Variants in SGCZ observed in about 807,000 individuals in gnomAD.
SGCZ encodes zeta-sarcoglycan.
In SGCZ, 40 loss-of-function variants were observed where a neutral mutation model predicts 41.3. The ratio of observed to expected loss-of-function variants is 0.97; its 90% confidence interval spans 0.75 to 1.26. SGCZ has a LOEUF of 1.26. Among genes scored for constraint, SGCZ ranks in the 50% most tolerant of loss-of-function variants. The pLI, the probability that SGCZ is intolerant of heterozygous loss-of-function variation, is 0.00. For synonymous variants in SGCZ, 206 were observed against 137.5 expected (o/e 1.50, Z -3.49); for missense variants, 552 against 369.8 (o/e 1.49, Z -4.04).
chr8:14,709,756 T>C (rs1809453780), intron 1 of SGCZ, among the ~76,000 whole-genome samples: 1 of 152,204 alleles, frequency 6.6e-6, no homozygotes, highest in African/African-American at 2.4e-5. Context: ...CCATCCATTC[T>C]GGTACATTGC....
intron 1 of SGCZ, among the ~76,000 whole-genome samples, chr8:14,687,247 C>G (rs543299437): frequency 0.038 from 5,739 of 149,824 alleles, 138 homozygotes; most frequent in South Asian, 0.09. Context: ...ACAATGTGCA[C>G]GTTAGTTACA....
intron 1 of SGCZ, among the ~76,000 whole-genome samples, chr8:15,084,931 T>G (rs1031738478): frequency 6.6e-6 from 1 of 152,184 alleles, no homozygotes; most frequent in African/African-American, 2.4e-5. Context: ...GCCTCCCCTC[T>G]TTCTCTTAGC....
intron 1 of SGCZ, among the ~76,000 whole-genome samples, chr8:14,811,834 A>T (rs1228263345): frequency 6.6e-6 from 1 of 152,046 alleles, no homozygotes; most frequent in African/African-American, 2.4e-5. Context: ...AGAATCTTGG[A>T]AACTGAATGT....
chr8:14,373,746 G>A (rs1803999482), intron 2 of SGCZ, among the ~76,000 whole-genome samples: 1 of 152,138 alleles, frequency 6.6e-6, no homozygotes, highest in Non-Finnish European at 1.5e-5. Context: ...AGATTGAGAT[G>A]AGAGGAATTG....
intron 2 of SGCZ, among the ~76,000 whole-genome samples, chr8:14,402,604 T>C (rs900192783): frequency 7.0e-6 from 1 of 142,898 alleles, no homozygotes; most frequent in Non-Finnish European, 1.5e-5. Flanking sequence ...GTTGTAGATA[T>C]GTGGCGTTAT....
At chr8:14,246,716 G>A (rs1799105873) in intron 3 of SGCZ, among the ~76,000 whole-genome samples, 1 of 151,596 alleles carries the variant, frequency 6.6e-6, no homozygotes, top group Non-Finnish European at 1.5e-5. Context: ...GACCATCCTG[G>A]CTGACATGGT....
chr8:14,680,964 GA>G (rs71209075), intron 1 of SGCZ, among the ~76,000 whole-genome samples: 19 of 117,938 alleles, frequency 1.6e-4, no homozygotes, highest in African/African-American at 6.1e-4. Flanking sequence ...AAAAGAGTGG[GA>G]AAAAAAAAAA....
At chr8:14,763,922 C>A (rs550079972) in intron 1 of SGCZ, among the ~76,000 whole-genome samples, 6 of 152,280 alleles carry the variant, frequency 3.9e-5, no homozygotes, top group South Asian at 4.1e-4. Flanking sequence ...CGAGAAGGAA[C>A]TGTGTGATGT....
chr8:14,212,960 G>T (rs1052914908), intron 4 of SGCZ, among the ~76,000 whole-genome samples: 1 of 151,906 alleles, frequency 6.6e-6, no homozygotes, highest in Non-Finnish European at 1.5e-5. Flanking sequence ...ATAGTAGAAT[G>T]GAAATAACAG....
intron 1 of SGCZ, among the ~76,000 whole-genome samples, chr8:14,976,696 A>C (rs935894101): frequency 2.0e-5 from 3 of 152,176 alleles, no homozygotes; most frequent in Non-Finnish European, 4.4e-5. Context: ...TACAGAGTAC[A>C]AAAATATGAC....
At chr8:14,345,353 T>C (rs1396232193) in intron 2 of SGCZ, among the ~76,000 whole-genome samples, 1 of 152,148 alleles carries the variant, frequency 6.6e-6, no homozygotes, top group Non-Finnish European at 1.5e-5. Context: ...GAAAACTGTT[T>C]GCAGATCTAC....
chr8:14,374,776 G>A (rs114091350), intron 2 of SGCZ, among the ~76,000 whole-genome samples: 3,020 of 152,234 alleles, frequency 0.02, 80 homozygotes, highest in African/African-American at 0.056. Context: ...AATTGAGGGT[G>A]TATGAATGAA....
intron 2 of SGCZ, among the ~76,000 whole-genome samples, chr8:14,376,771 T>C (rs1030181539): frequency 2.4e-4 from 37 of 152,126 alleles, no homozygotes; most frequent in African/African-American, 8.9e-4. Context: ...TCATGTCAAA[T>C]GTCCTAGATA....
At chr8:15,013,106 A>G (rs891257734) in intron 1 of SGCZ, among the ~76,000 whole-genome samples, 2 of 152,150 alleles carry the variant, frequency 1.3e-5, no homozygotes, top group African/African-American at 4.8e-5. Flanking sequence ...ATTAAAGGAA[A>G]ATGCATGCAT....
At chr8:14,736,870 A>C (rs920472163) in intron 1 of SGCZ, among the ~76,000 whole-genome samples, 1 of 152,020 alleles carries the variant, frequency 6.6e-6, no homozygotes, top group African/African-American at 2.4e-5. Context: ...CAATCCCACT[A>C]CCGGGTATCT....
chr8:15,028,460 G>A (rs1448996517), intron 1 of SGCZ, among the ~76,000 whole-genome samples: 1 of 150,298 alleles, frequency 6.7e-6, no homozygotes, highest in Non-Finnish European at 1.5e-5. Flanking sequence ...AGTTTCATAA[G>A]GAACACCATC....
In SGCZ at chr8:15,017,903, CT is replaced by C. The variant is rs545174612; in HGVS notation, c.39+219681del. 9.2e-5 allele frequency among the ~76,000 whole-genome samples: 14 copies of C among 152,196 alleles called. No homozygotes were observed. In the South Asian group the frequency reaches 2.1e-3, roughly 23 times the overall value. On this transcript the variant is annotated intron_variant, in intron 1 of 7. Transcript: ENST00000382080. ...GCTCTTATCTCTTTGCAATTCAAAA[CT>C]TTTTTTCTAAAGGAGCTCTCTCACA...
chr8:14,519,545 T>C (rs887188293), intron 2 of SGCZ, among the ~76,000 whole-genome samples: 2 of 152,132 alleles, frequency 1.3e-5, no homozygotes, highest in East Asian at 3.9e-4. Context: ...TTAAACATAT[T>C]AGTTTTCTGA....
intron 2 of SGCZ, among the ~76,000 whole-genome samples, chr8:14,446,051 AAG>A (rs1800423402): frequency 1.3e-5 from 2 of 152,190 alleles, no homozygotes; most frequent in African/African-American, 4.8e-5. Context: ...CATGAGTCTG[AAG>A]AAGGGGACAA....
Sources: gnomAD v4.1 joint callset for allele counts (sites outside exome capture counted in the v4.1 genomes callset) on GRCh38, gnomAD v4.1.1 for gene constraint, MANE v1.5 for transcripts, NCBI Gene and HGNC (gene_info 2026-07-23, HGNC 2026-07-21) for gene names.